TBC1D31: variants seen among roughly 807,000 people sequenced by gnomAD.
The protein encoded by TBC1D31 is WD repeat domain 67.
A neutral mutation model predicts 132.9 loss-of-function variants in TBC1D31; 99 were observed. The ratio of observed to expected loss-of-function variants is 0.74; its 90% CI spans 0.63 to 0.88. TBC1D31 has a LOEUF of 0.88. TBC1D31 is among the 40% of genes least tolerant of loss of function. The probability of loss-of-function intolerance (pLI) is 0.00; values close to 1 mark genes in which losing one functional copy is unlikely to be tolerated. For synonymous variants in TBC1D31, 385 were observed against 419.4 expected (o/e 0.92, Z 1.00); for missense variants, 1,134 against 1,256.6 (o/e 0.90, Z 1.48).
At position 123,074,055 on chromosome 8, in the gene TBC1D31, AG is replaced by A. The variant is rs1335062459; in HGVS notation, c.77+1210del. Among the ~76,000 whole-genome samples the A allele has an allele frequency of 2.2e-5, 3 of 139,382 alleles. No homozygotes were observed. The East Asian group carries it at 7.0e-4, about 33-fold the overall frequency. The allele number at this position is 139,382 out of a possible 152,430, so 91.4% of individuals were successfully genotyped here. On this transcript the variant is annotated intron_variant, in intron 1 of 21. Transcript: ENST00000287380. Reference sequence around the variant, plus strand: ...CAGAATTTTTTTTTTCTCTTGAGACAGAGTCTTGCTCTGTTGCCCAGGGTCG... The same window carrying A: ...CAGAATTTTTTTTTTCTCTTGAGACAAGTCTTGCTCTGTTGCCCAGGGTCG...
At chr8:123,131,277 T>A (rs1820590467) in intron 16 of TBC1D31, among the ~76,000 whole-genome samples, 1 of 148,840 alleles carries the variant, frequency 6.7e-6, no homozygotes, top group African/African-American at 2.5e-5. Context: ...GGCAGGAGAA[T>A]TGCTTGACCC....
the TBC1D31 span, among the ~76,000 whole-genome samples, chr8:123,158,783 C>T: frequency 1.3e-5 from 2 of 151,928 alleles, no homozygotes; most frequent in Non-Finnish European, 2.9e-5. Context: ...GGGGGTGGGG[C>T]CTGCTCCACC....
At chr8:123,102,201 C>G (rs1044206039) in intron 7 of TBC1D31, 1 of 456,172 alleles carries the variant, frequency 2.2e-6, no homozygotes, top group Non-Finnish European at 4.4e-6. Flanking sequence ...GTAGCTCTAA[C>G]AGAGACTTTG....
downstream of TBC1D31, among the ~76,000 whole-genome samples, chr8:123,154,694 G>A (rs900951865): frequency 1.9e-4 from 29 of 152,278 alleles, no homozygotes; most frequent in Middle Eastern, 0.014. Context: ...CATGAGACCC[G>A]GAACATGCCA....
chr8:123,150,693 G>GT (rs1320968453), intron 21 of TBC1D31, among the ~76,000 whole-genome samples: 1 of 152,148 alleles, frequency 6.6e-6, no homozygotes, highest in Non-Finnish European at 1.5e-5. Flanking sequence ...AGGGTTTGGG[G>GT]TTTTTTAGAA....
At chr8:123,074,054 CAG>C (rs1181114342) in intron 1 of TBC1D31, among the ~76,000 whole-genome samples, 1 of 149,950 alleles carries the variant, frequency 6.7e-6, no homozygotes, top group Non-Finnish European at 1.5e-5. Flanking sequence ...TCTCTTGAGA[CAG>C]AGTCTTGCTC....
intron 10 of TBC1D31, among the ~76,000 whole-genome samples, chr8:123,111,829 A>G (rs1337049501): frequency 6.6e-6 from 1 of 152,124 alleles, no homozygotes; most frequent in Non-Finnish European, 1.5e-5. Context: ...CCCACTAGGC[A>G]TATATAATCA....
At chr8:123,085,817 A>G (rs1209051417) in intron 4 of TBC1D31, among the ~76,000 whole-genome samples, 1 of 152,188 alleles carries the variant, frequency 6.6e-6, no homozygotes, top group African/African-American at 2.4e-5. Flanking sequence ...CCTTTTAAAA[A>G]TCCATTTCTT....
At chr8:123,073,566 A>G in intron 1 of TBC1D31, 1 of 359,440 alleles carries the variant, frequency 2.8e-6, no homozygotes, top group South Asian at 2.1e-5. Flanking sequence ...AGCCTTTGCT[A>G]CAAAGCGGTG....
At position 123,142,346 on chromosome 8, in the gene TBC1D31, G is replaced by A; in HGVS notation, c.2725G>A (p.Asp909Asn). ...TCAGTCTTTACATAAACAAAAATGT[G>A]ATGATCTACAACGAAACAAATGTTA... ...QIQSLHKQKCDDLQRNKCYQE... is the reference protein window; with the variant it reads ...QIQSLHKQKCNDLQRNKCYQE... Residue 909 changes from aspartate to asparagine, a missense_variant, in exon 19 of 22, where the codon GAT (aspartate) becomes AAT (asparagine). By Grantham distance (23) the Asp-to-Asn change is conservative. Coordinates refer to ENST00000287380, the MANE Select transcript of TBC1D31 (RefSeq NM_145647.4). 3 of 1,610,774 alleles carry A rather than the reference G, an allele frequency of 1.9e-6. No individual in the cohort carries two copies. The highest frequency in any genetic ancestry group is 2.5e-6 in the Non-Finnish European group (3 of 1,178,774).
chr8:123,126,533 CTG>C lies in TBC1D31; in HGVS notation c.1734_1735del (p.Phe579LeufsTer15), dbSNP rs1206407934. 2.5e-6 allele frequency: 4 copies of C among 1,613,898 alleles called. No individual in the cohort carries two copies. Among genetic ancestry groups the C allele is most frequent in the Admixed American group, 3.3e-5 (2 of 59,956 alleles). ...CTATATGCATGGCCTCTTCTTGAAA[CTG>C]TGTTCTCAGAAGTGCTGACAAGAGA... is the stretch of plus-strand genomic sequence containing the variant. On this transcript the variant is annotated frameshift_variant, in exon 13 of 22. Coordinates refer to ENST00000287380, the MANE Select transcript of TBC1D31 (RefSeq NM_145647.4). LOFTEE classifies it high-confidence loss of function.
intron 7 of TBC1D31, 27 bp from the exon 8 acceptor site, chr8:123,105,259 AAT>A (rs769323255): frequency 2.9e-5 from 42 of 1,456,232 alleles, no homozygotes; most frequent in South Asian, 1.0e-4. Flanking sequence ...TATCCATTAG[AAT>A]ATATATATAT....
chr8:123,128,875 CA>C (rs374584609), intron 14 of TBC1D31, among the ~76,000 whole-genome samples, 190 bp from the exon 15 acceptor site: 4,325 of 122,120 alleles, frequency 0.035, 180 homozygotes, highest in African/African-American at 0.12. Context: ...GACTTCATCT[CA>C]AAAAAAAAAA....
At chr8:123,139,608 T>G (rs914239854) in intron 17 of TBC1D31, among the ~76,000 whole-genome samples, 68 of 152,194 alleles carry the variant, frequency 4.5e-4, no homozygotes, top group African/African-American at 1.6e-3. Flanking sequence ...GCTTCCTGGT[T>G]ATGCAAAACC....
intron 5 of TBC1D31, among the ~76,000 whole-genome samples, chr8:123,095,142 C>A (rs11785137): frequency 0.19 from 28,857 of 151,930 alleles, 2,735 homozygotes; most frequent in Middle Eastern, 0.26. Flanking sequence ...TTCCTGTATA[C>A]TGGTTATACC....
intron 21 of TBC1D31, among the ~76,000 whole-genome samples, chr8:123,150,482 C>T (rs1445766620): frequency 1.3e-5 from 2 of 152,166 alleles, no homozygotes; most frequent in Non-Finnish European, 2.9e-5. Flanking sequence ...AAAATCTCAG[C>T]GTTGTTTTTC....
intron 16 of TBC1D31, among the ~76,000 whole-genome samples, chr8:123,132,156 T>A (rs1260791755): frequency 6.6e-6 from 1 of 152,178 alleles, no homozygotes; most frequent in East Asian, 1.9e-4. Context: ...CCACACTGTT[T>A]GAATGACAGT....
chr8:123,100,717 C>A (rs560346762), intron 6 of TBC1D31, 90 bp from the exon 7 acceptor site: 1 of 867,978 alleles, frequency 1.2e-6, no homozygotes, highest in African/African-American at 1.7e-5. Context: ...CATACACAAA[C>A]GTTGCATACA....
At chr8:123,161,161 C>T in the TBC1D31 span, among the ~76,000 whole-genome samples, 1 of 152,186 alleles carries the variant, frequency 6.6e-6, no homozygotes, top group African/African-American at 2.4e-5. Context: ...CGCCGGGGCT[C>T]CCCGACCAAG....
Sources: allele counts gnomAD v4.1 joint callset (sites outside exome capture counted in the v4.1 genomes callset), GRCh38; gene constraint gnomAD v4.1.1; transcripts MANE v1.5; gene names NCBI Gene and HGNC (gene_info 2026-07-23, HGNC 2026-07-21).